TRAK1: variants seen among roughly 807,000 people sequenced by gnomAD.
TRAK1 encodes the protein trafficking kinesin-binding protein 1.
A neutral mutation model predicts 92.1 loss-of-function variants in TRAK1; 33 were observed. That is an observed-to-expected ratio of 0.36 (90% CI 0.27 to 0.48). TRAK1 has a LOEUF of 0.48. Ranked by LOEUF, TRAK1 falls within the 20% of genes least tolerant of loss-of-function variation. The pLI, the probability that TRAK1 is intolerant of heterozygous loss-of-function variation, is 0.99. For synonymous variants in TRAK1, 521 were observed against 517.3 expected (o/e 1.01, Z -0.10); for missense variants, 1,123 against 1,257.9 (o/e 0.89, Z 1.62).
intron 1 of TRAK1, among the ~76,000 whole-genome samples, chr3:42,101,046 G>C (rs943058923): frequency 6.6e-6 from 1 of 152,234 alleles, no homozygotes; most frequent in Non-Finnish European, 1.5e-5. Context: ...AATCCTAGTG[G>C]TTCCTACAAC....
intron 2 of TRAK1, chr3:42,160,372 G>A (rs760750844): frequency 6.2e-6 from 10 of 1,614,060 alleles, no homozygotes; most frequent in South Asian, 5.5e-5. Flanking sequence ...ATGTCCCTGC[G>A]AGACAAGGGC....
chr3:42,062,515 A>C (rs529814025), intron 1 of TRAK1, among the ~76,000 whole-genome samples: 1 of 152,306 alleles, frequency 6.6e-6, no homozygotes, highest in East Asian at 1.9e-4. Flanking sequence ...CTATACTGCT[A>C]CCCCTCTGAA....
Position 42,218,595 on chromosome 3 carries a change from G to A in TRAK1, c.1964-899G>A, listed in dbSNP as rs181592616. Reference sequence around the variant, plus strand: ...CTCTGCAATCATGATGTCTCCCATAGACTCTGTTCCTTGTTCCTTTGCCAG... The same window carrying A: ...CTCTGCAATCATGATGTCTCCCATAAACTCTGTTCCTTGTTCCTTTGCCAG... On this transcript the variant is annotated intron_variant, in intron 14 of 15. Transcript: ENST00000327628. 18 of 985,118 alleles carry A rather than the reference G, an allele frequency of 1.8e-5. No individual in the cohort carries two copies. In the Admixed American group the frequency reaches 9.8e-4, roughly 54 times the overall value. 61.0% of individuals were successfully genotyped at this position (985,118 alleles called of 1,614,324 possible).
In TRAK1 at chr3:42,200,919, C is replaced by A; in HGVS notation, c.1292C>A (p.Ser431Tyr). ...SPMNIPGSNQ[S>Y]SAMNSLLSSC... is the part of the protein sequence containing the mutation. ...ATGAACATCCCCGGCTCCAACCAGTCCTCGGCCATGAACTCCCTCCTGTCC... is the reference window on the plus strand; with the variant it reads ...ATGAACATCCCCGGCTCCAACCAGTACTCGGCCATGAACTCCCTCCTGTCC... The change falls in exon 12 of 16, where the codon TCC becomes TAC. Residue 431 changes from serine (S) to tyrosine (Y), a missense_variant. By Grantham distance (144) the Ser-to-Tyr change is moderately radical. Around this residue, in one of 3 missense-constraint regions of TRAK1, gnomAD observed 686 missense variants for 747.6 expected, o/e 0.92. Transcript: ENST00000327628. 1 of 1,614,208 alleles carries A rather than the reference C, an allele frequency of 6.2e-7. No homozygotes were observed. Among genetic ancestry groups the A allele is most frequent in the Non-Finnish European group, 8.5e-7 (1 of 1,180,030 alleles).
chr3:42,116,170 C>T (rs1033599228), intron 1 of TRAK1, among the ~76,000 whole-genome samples: 5 of 152,356 alleles, frequency 3.3e-5, no homozygotes, highest in Non-Finnish European at 5.9e-5. Context: ...ATCCCGAGGC[C>T]TCTTGCATGG....
At chr3:42,102,569 G>A (rs1706935515) in intron 1 of TRAK1, among the ~76,000 whole-genome samples, 1 of 152,180 alleles carries the variant, frequency 6.6e-6, no homozygotes, top group Admixed American at 6.5e-5. Flanking sequence ...TCAGAGAGAG[G>A]CGTCCTGAAA....
At chr3:42,134,903 T>C (rs1346197488) in intron 2 of TRAK1, among the ~76,000 whole-genome samples, 3 of 151,750 alleles carry the variant, frequency 2.0e-5, no homozygotes, top group Non-Finnish European at 4.4e-5. Flanking sequence ...AGAGACAGTC[T>C]TGCTCTGTCA....
At chr3:42,156,657 T>C (rs1223291498) in intron 2 of TRAK1, among the ~76,000 whole-genome samples, 3 of 152,150 alleles carry the variant, frequency 2.0e-5, no homozygotes, top group African/African-American at 4.8e-5. Context: ...AATTAGAAAT[T>C]AGAAATTCAC....
intron 1 of TRAK1, among the ~76,000 whole-genome samples, chr3:42,070,709 A>G (rs938678079): frequency 1.3e-5 from 2 of 152,220 alleles, no homozygotes; most frequent in Admixed American, 1.3e-4. Context: ...GATTACAGGC[A>G]TGAGTCACCA....
Position 42,202,998 on chromosome 3 carries a change from T to C in TRAK1, c.1744+246T>C. The C allele has an allele frequency of 7.5e-7, 1 of 1,327,116 alleles. No homozygotes were observed. 82.2% of individuals were successfully genotyped at this position (1,327,116 alleles called of 1,614,324 possible). ...GAAACTCGCCGAGGAAAGACAAGCA[T>C]GTGCACTGTGGTCTTCTAGTTCTTT... On this transcript the variant is annotated intron_variant, in intron 13 of 15. Transcript: ENST00000327628. The surrounding 1 kb of genome is among the most constrained non-coding windows in gnomAD (Gnocchi z 6.1).
At chr3:42,112,551 A>G (rs1196647119) in intron 1 of TRAK1, among the ~76,000 whole-genome samples, 1 of 151,694 alleles carries the variant, frequency 6.6e-6, no homozygotes, top group African/African-American at 2.4e-5. Flanking sequence ...CCTGGACAAC[A>G]TGGCAAAACT....
intron 2 of TRAK1, among the ~76,000 whole-genome samples, chr3:42,171,887 T>C (rs1403954371): frequency 3.9e-5 from 6 of 152,188 alleles, no homozygotes; most frequent in African/African-American, 1.4e-4. Context: ...AAAATTGTTT[T>C]GAGCATGGTT....
At chr3:42,173,632 G>A (rs547038138) in intron 2 of TRAK1, among the ~76,000 whole-genome samples, 117 of 152,210 alleles carry the variant, frequency 7.7e-4, no homozygotes, top group African/African-American at 2.6e-3. Context: ...CCTTGCTCTC[G>A]TGTCCTTTAT....
intron 2 of TRAK1, among the ~76,000 whole-genome samples, chr3:42,165,724 A>T (rs536155860): frequency 6.6e-6 from 1 of 152,132 alleles, no homozygotes; most frequent in South Asian, 2.1e-4. Flanking sequence ...GGAGGAACTG[A>T]CCTGGCGCAT....
At chr3:42,033,734 T>A (rs1180630343) in intron 1 of TRAK1, among the ~76,000 whole-genome samples, 1 of 152,214 alleles carries the variant, frequency 6.6e-6, no homozygotes, top group African/African-American at 2.4e-5. Flanking sequence ...CTCTTGCTTG[T>A]TGACAGCATG....
chr3:42,210,980 C>T, intron 14 of TRAK1: 1 of 985,418 alleles, frequency 1.0e-6, no homozygotes, highest in Non-Finnish European at 1.2e-6. Context: ...TTTACCCCAA[C>T]AGCATGCTCT....
At chr3:42,031,761 C>G (rs1702155884) in intron 1 of TRAK1, among the ~76,000 whole-genome samples, 1 of 152,104 alleles carries the variant, frequency 6.6e-6, no homozygotes, top group African/African-American at 2.4e-5. Flanking sequence ...CAAAATGATC[C>G]TTTTAAGAGT....
chr3:42,196,958 T>C (rs1706752139), intron 10 of TRAK1, among the ~76,000 whole-genome samples: 1 of 128,252 alleles, frequency 7.8e-6, no homozygotes. Context: ...TCCTTTCTCC[T>C]CTCTCTCTCT....
At chr3:42,050,187 G>A (rs1026777323) in intron 1 of TRAK1, among the ~76,000 whole-genome samples, 1 of 145,036 alleles carries the variant, frequency 6.9e-6, no homozygotes, top group Non-Finnish European at 1.5e-5. Context: ...CTGAGGGTGG[G>A]GGGGTGTGAG....
Sources: gnomAD v4.1 joint callset for allele counts (sites outside exome capture counted in the v4.1 genomes callset) on GRCh38, gnomAD v4.1.1 for gene constraint, gnomAD v4.1.1 regional missense constraint, Gnocchi (gnomAD v3.1) non-coding constraint, MANE v1.5 for transcripts, NCBI Gene and HGNC (gene_info 2026-07-23, HGNC 2026-07-21) for gene names.